The following FAM90A1 variants were observed in gnomAD, a reference collection of about 807,000 sequenced individuals.
The protein encoded by FAM90A1 is family with sequence similarity 90 member A1, also known as protein FAM90A1.
In FAM90A1, 10 loss-of-function variants were observed where a neutral mutation model predicts 14.8. The ratio of observed to expected loss-of-function variants is 0.67; its 90% CI spans 0.42 to 1.14. FAM90A1 has a LOEUF of 1.14. FAM90A1 is among the 50% of genes most tolerant of loss of function. FAM90A1 has a pLI of 0.00. For missense variants in FAM90A1, 567 were observed against 602.8 expected, an observed-to-expected ratio of 0.94 and a Z score of 0.62; for synonymous variants, 236 against 248.4, an observed-to-expected ratio of 0.95 and a Z score of 0.47.
intron 1 of FAM90A1, 52 bp downstream of exon 1, chr12:8,227,428 A>G: frequency 2.1e-6 from 1 of 482,306 alleles, no homozygotes; most frequent in East Asian, 4.0e-5. Context: ...CACAACACAG[A>G]CAGAAGGCTG....
At position 8,221,357 on chromosome 12, in the gene FAM90A1, C is replaced by G. The variant is rs191631937; in HGVS notation, c.*465G>C. On this transcript the variant is annotated 3_prime_UTR_variant, in exon 7 of 7. Coordinates refer to ENST00000538603, the MANE Select transcript of FAM90A1 (RefSeq NM_018088.3). ...ACTTTTCGAGGCTGAGGAAAGACCC[C>G]GAGAGCGCTTTGCACAGCGCGCTTC... 11 of 228,548 alleles carry G rather than the reference C, an allele frequency of 4.8e-5. No individual in the cohort carries two copies. The East Asian group carries it at 5.3e-4, about 11-fold the overall frequency. 14.2% of individuals were successfully genotyped at this position (228,548 alleles called of 1,614,324 possible). A position where few individuals can be genotyped will look rare whatever the true frequency, so the allele number is the denominator to read the frequency against.
In FAM90A1 at chr12:8,222,625, C is replaced by T; in HGVS notation, c.592G>A (p.Gly198Arg). ...GCCCCTGTCTGTCTTTCCTTTGGTC[C>T]AAGACTTGAGGAGGAGCTCAGACTG... is the stretch of plus-strand genomic sequence containing the variant. ...KASLSSSSSL[G>R]PKERQTGAAA... Residue 198 changes from glycine (G) to arginine (R), a missense_variant, in exon 7 of 7, where the codon GGA becomes AGA. Gly to Arg is a moderately radical substitution (Grantham distance 125). Transcript: ENST00000538603. The T allele has an allele frequency of 6.2e-7, 1 of 1,611,884 alleles. No individual in the cohort carries two copies. The highest frequency in any genetic ancestry group is 8.5e-7 in the Non-Finnish European group (1 of 1,179,852).
Position 8,226,494 on chromosome 12 carries a change from G to T in FAM90A1, c.-420-16C>A. 1 of 156,292 alleles carries T rather than the reference G, an allele frequency of 6.4e-6. No individual in the cohort carries two copies. 9.7% of individuals were successfully genotyped at this position (156,292 alleles called of 1,614,324 possible). On this transcript the variant is annotated splice_polypyrimidine_tract_variant and intron_variant, in intron 1 of 6. Coordinates refer to ENST00000538603, the MANE Select transcript of FAM90A1 (RefSeq NM_018088.3). ...TTGGAGCGCACTGGGAAACACAGAT[G>T]AAGAAAGTCAACACCGCTTTGTCCT...
Position 8,221,387 on chromosome 12 carries a change from C to A in FAM90A1, c.*435G>T. On this transcript the variant is annotated 3_prime_UTR_variant, in exon 7 of 7. Transcript: ENST00000538603. ...GCGCTTTGCACAGCGCGCTTCCCAGCGTCCGAAACACTGCTCTCAGGGCGG... is the reference window on the plus strand; with the variant it reads ...GCGCTTTGCACAGCGCGCTTCCCAGAGTCCGAAACACTGCTCTCAGGGCGG... The A allele has an allele frequency of 3.3e-6, 1 of 303,846 alleles. No homozygotes were observed. The highest frequency in any genetic ancestry group is 3.6e-5 in the South Asian group (1 of 28,100). The allele number at this position is 303,846 out of a possible 1,614,324, so 18.8% of individuals were successfully genotyped here.
At position 8,222,094 on chromosome 12, in the gene FAM90A1, C is replaced by T; in HGVS notation, c.1123G>A (p.Ala375Thr). ...GCTGGGTGATGGGACATGGTGCAGG[C>T]CTGGGCAGTAGGCAGGCAAGGTCTG... ...HSRPCLPTAQ[A>T]CTMSHHPAAS... The change falls in exon 7 of 7, where the codon GCC (alanine) becomes ACC (threonine). Residue 375 changes from alanine to threonine, a missense_variant. Physicochemically the swap from Ala to Thr is moderately conservative, Grantham distance 58. Transcript: ENST00000538603. 1 of 1,610,220 alleles carries T rather than the reference C, an allele frequency of 6.2e-7. No homozygotes were observed. Among genetic ancestry groups the T allele is most frequent in the Non-Finnish European group, 8.5e-7 (1 of 1,180,006 alleles).
chr12:8,222,088 T>C lies in FAM90A1; in HGVS notation c.1129A>G (p.Thr377Ala). Residue 377 changes from threonine to alanine, a missense_variant, in exon 7 of 7, where the codon ACC becomes GCC. Thr to Ala is a moderately conservative substitution (Grantham distance 58, BLOSUM62 0). Transcript: ENST00000538603. ...CTGGCCGCTGGGTGATGGGACATGG[T>C]GCAGGCCTGGGCAGTAGGCAGGCAA... ...RPCLPTAQAC[T>A]MSHHPAASHD... The C allele has an allele frequency of 6.2e-7, 1 of 1,609,528 alleles. No homozygotes were observed. Among genetic ancestry groups the C allele is most frequent in the Non-Finnish European group, 8.5e-7 (1 of 1,179,972 alleles).
Position 8,222,275 on chromosome 12 carries a change from C to T in FAM90A1, c.942G>A (p.Gln314=). The change falls in exon 7 of 7, where the codon CAG becomes CAA. Residue 314 remains glutamine (Q), a synonymous_variant. Coordinates refer to ENST00000538603, the MANE Select transcript of FAM90A1 (RefSeq NM_018088.3). ...CTCCCTGGATGGCGCTTTCGGGGAT[C>T]TGGAAGGGACCCAGTCTCGGTTTCT... The part of the protein sequence containing the change: ...FPKKPRLGPF[Q]IPESAIQGGE... The T allele has an allele frequency of 6.2e-7, 1 of 1,611,364 alleles. No homozygotes were observed. The highest frequency in any genetic ancestry group is 8.5e-7 in the Non-Finnish European group (1 of 1,179,936).
rs1392814763 is a variant in FAM90A1 at position 8,222,388 on chromosome 12, T to A, written c.829A>T (p.Ser277Cys). 1 of 1,611,782 alleles carries A rather than the reference T, an allele frequency of 6.2e-7. No homozygotes were observed. Among genetic ancestry groups the A allele is most frequent in the South Asian group, 1.1e-5 (1 of 90,984 alleles). ...SQPCPPAATH[S>C]LGLGSNLSFG... ...CTGAGATTGGAGCCTAGGCCCAAGC[T>A]GTGTGTGGCGGCTGGTGGGCAGGGC... is the stretch of plus-strand genomic sequence containing the variant. Residue 277 changes from serine to cysteine, a missense_variant, in exon 7 of 7, where the codon AGC (serine) becomes TGC (cysteine). Coordinates refer to ENST00000538603, the MANE Select transcript of FAM90A1 (RefSeq NM_018088.3).
rs1948849709 is a variant in FAM90A1 at position 8,222,394 on chromosome 12, T to C, written c.823A>G (p.Thr275Ala). ...TTGGAGCCTAGGCCCAAGCTGTGTG[T>C]GGCGGCTGGTGGGCAGGGCTGTGAG... ...VTSQPCPPAA[T>A]HSLGLGSNLS... is the part of the protein sequence containing the mutation. The change falls in exon 7 of 7, where the codon ACA becomes GCA. Residue 275 changes from threonine (T) to alanine (A), a missense_variant. By Grantham distance (58) the Thr-to-Ala change is moderately conservative. Transcript: ENST00000538603. 1.2e-6 allele frequency: 2 copies of C among 1,611,736 alleles called. No homozygotes were observed. The highest frequency in any genetic ancestry group is 2.2e-5 in the East Asian group (1 of 44,876).
chr12:8,225,080 A>G (rs1948916266), intron 3 of FAM90A1, among the ~76,000 whole-genome samples, 192 bp from the exon 4 acceptor site: 1 of 152,246 alleles, frequency 6.6e-6, no homozygotes, highest in African/African-American at 2.4e-5. Context: ...ATGATTACCT[A>G]GTCCAAGAGT....
Position 8,224,735 on chromosome 12 carries a change from G to T in FAM90A1, c.98C>A (p.Pro33His). Residue 33 changes from proline to histidine, a missense_variant, in exon 4 of 7, where the codon CCC becomes CAC. Physicochemically the swap from Pro to His is moderately conservative, Grantham distance 77. Transcript: ENST00000538603. ...CCTGGGATCTTCTTCATCGGGCGGG[G>T]GAGCCCTTGGCCCAACTGGGGCCCT... is the stretch of plus-strand genomic sequence containing the variant. ...QRRAPVGPRA[P>H]PPDEEDPRLK... 6.3e-7 allele frequency: 1 copy of T among 1,589,426 alleles called. No homozygotes were observed. The highest frequency in any genetic ancestry group is 2.2e-5 in the East Asian group (1 of 44,608).
chr12:8,225,774 T>A (rs1948929617), intron 3 of FAM90A1, 62 bp downstream of exon 3: 1 of 152,084 alleles, frequency 6.6e-6, no homozygotes, highest in Non-Finnish European at 1.5e-5. Context: ...GCCTCCTTTG[T>A]CTCTTTTCCC....
rs1565431530 is a variant in FAM90A1, at chr12:8,225,899, C to T, written c.-120G>A. On this transcript the variant is annotated 5_prime_UTR_variant, in exon 3 of 7. Coordinates refer to ENST00000538603, the MANE Select transcript of FAM90A1 (RefSeq NM_018088.3). ...TGAGATGGGCAGGTGCTGGAGCAGC[C>T]CCGCTGGAAGCGATGCAGCATCCAG... 6.6e-6 allele frequency: 1 copy of T among 152,234 alleles called. No homozygotes were observed. Among genetic ancestry groups the T allele is most frequent in the Non-Finnish European group, 1.5e-5 (1 of 68,054 alleles). 9.4% of individuals were successfully genotyped at this position (152,234 alleles called of 1,614,324 possible). A position where few individuals can be genotyped will look rare whatever the true frequency, so the allele number is the denominator to read the frequency against.
rs768904961 is a variant in FAM90A1 at position 8,222,359 on chromosome 12, G to A, written c.858C>T (p.Phe286=). The A allele has an allele frequency of 2.7e-5, 43 of 1,611,612 alleles. No homozygotes were observed. In the South Asian group the frequency reaches 3.6e-4, roughly 14 times the overall value. The change falls in exon 7 of 7, where the codon TTC becomes TTT. Residue 286 remains phenylalanine (F), a synonymous_variant. Coordinates refer to ENST00000538603, the MANE Select transcript of FAM90A1 (RefSeq NM_018088.3). ...HSLGLGSNLS[F]GPGAKRSAPA... ...GGGCAGATCTCTTGGCTCCTGGCCC[G>A]AAGCTGAGATTGGAGCCTAGGCCCA...
chr12:8,224,895 C>A lies in FAM90A1; in HGVS notation c.-56-7G>T. ...GGGTTGATTGTCGGGTCACCTGAAA[C>A]ACACACAAACACACACAAGTCGATG... On this transcript the variant is annotated splice_region_variant and splice_polypyrimidine_tract_variant and intron_variant, in intron 3 of 6. Transcript: ENST00000538603. 6.4e-7 allele frequency: 1 copy of A among 1,563,266 alleles called. No homozygotes were observed. Among genetic ancestry groups the A allele is most frequent in the Non-Finnish European group, 8.7e-7 (1 of 1,151,542 alleles).
At chr12:8,224,633 T>C (rs1337987283) in intron 4 of FAM90A1, 77 bp downstream of exon 4, 6 of 1,172,956 alleles carry the variant, frequency 5.1e-6, no homozygotes, top group Non-Finnish European at 7.3e-6. Flanking sequence ...CAACCCAGTC[T>C]CTGAGGACCG....
intron 6 of FAM90A1, 42 bp from the exon 7 acceptor site, chr12:8,222,826 T>G (rs929059759): frequency 1.9e-6 from 3 of 1,559,518 alleles, no homozygotes; most frequent in African/African-American, 2.7e-5. Flanking sequence ...TTCCTCAGCA[T>G]GGAGCCAACA....
intron 3 of FAM90A1, 88 bp from the exon 4 acceptor site, chr12:8,224,976 C>T (rs1046138000): frequency 5.5e-5 from 57 of 1,043,100 alleles, no homozygotes; most frequent in East Asian, 1.5e-4. Flanking sequence ...AATTCCTTGC[C>T]GGTGTGGTCA....
rs1414655309 is a variant in FAM90A1 at position 8,221,582 on chromosome 12, T to C, written c.*240A>G. On this transcript the variant is annotated 3_prime_UTR_variant, in exon 7 of 7. Coordinates refer to ENST00000538603, the MANE Select transcript of FAM90A1 (RefSeq NM_018088.3). The stretch of plus-strand genomic sequence containing the variant: ...GCAACGAATCACTGGCACGGAAGCT[T>C]TTCCTGGCGCGTTTCCAGAGAACCA... 8 of 584,272 alleles carry C rather than the reference T, an allele frequency of 1.4e-5. No homozygotes were observed. The highest frequency in any genetic ancestry group is 2.4e-5 in the Non-Finnish European group (8 of 332,226). The allele number at this position is 584,272 out of a possible 1,614,324, so 36.2% of individuals were successfully genotyped here. A position where few individuals can be genotyped will look rare whatever the true frequency, so the allele number is the denominator to read the frequency against.
Sources: gnomAD v4.1 joint callset for allele counts (sites outside exome capture counted in the v4.1 genomes callset) on GRCh38, gnomAD v4.1.1 for gene constraint, MANE v1.5 for transcripts, NCBI Gene and HGNC (gene_info 2026-07-23, HGNC 2026-07-21) for gene names.